Variants in LRCH1 observed in about 807,000 individuals in gnomAD.
LRCH1 encodes leucine-rich repeat and calponin homology domain-containing protein 1.
LRCH1 carries 23 observed loss-of-function variants against 94.9 expected under a neutral mutation model. The observed-to-expected ratio is 0.24, with a 90% confidence interval of 0.17 to 0.34. The LOEUF is 0.34. LRCH1 is among the 10% of genes least tolerant of loss of function. The pLI is 1.00. For missense variants in LRCH1, 790 were observed against 945.9 expected (o/e 0.84, Z 2.16); for synonymous variants, 364 against 354.9 (o/e 1.03, Z -0.29).
chr13:46,664,791 G>A (rs1388792827), intron 2 of LRCH1, among the ~76,000 whole-genome samples: 1 of 152,122 alleles, frequency 6.6e-6, no homozygotes, highest in Non-Finnish European at 1.5e-5. Context: ...GTCGTGTTAG[G>A]TAGGTCTTAT....
intron 1 of LRCH1, among the ~76,000 whole-genome samples, chr13:46,636,451 T>C (rs568641580): frequency 4.6e-5 from 7 of 152,308 alleles, no homozygotes; most frequent in Non-Finnish European, 8.8e-5. Context: ...GCAGAATGTT[T>C]TCATCTTGCA....
intron 1 of LRCH1, among the ~76,000 whole-genome samples, chr13:46,642,353 C>A (rs758592300): frequency 6.6e-6 from 1 of 152,170 alleles, no homozygotes; most frequent in Non-Finnish European, 1.5e-5. Context: ...TGGTGTCATA[C>A]AAACCTGGAT....
In LRCH1 at chr13:46,600,236, A is replaced by G. The variant is rs532036596; in HGVS notation, c.307+46533A>G. Among the ~76,000 whole-genome samples, 13 of 152,268 alleles carry G rather than the reference A, an allele frequency of 8.5e-5. 1 individual carries two copies. The East Asian group carries it at 2.5e-3, about 29-fold the overall frequency. ...ACATTTTTATTCTCACAATGTCTTT[A>G]TGGTTTGGGAATGGTGGCTTCCTGT... On this transcript the variant is annotated intron_variant, in intron 1 of 19. Coordinates refer to ENST00000389797, the MANE Select transcript of LRCH1 (RefSeq NM_001164211.2).
chr13:46,636,059 C>CTTTTTTTTTT (rs34118906), intron 1 of LRCH1, among the ~76,000 whole-genome samples: 1 of 73,534 alleles, frequency 1.4e-5, no homozygotes, highest in Non-Finnish European at 2.4e-5. Flanking sequence ...CCATGTCAAC[C>CTTTTTTTTTT]TTTTTTTTTT....
At chr13:46,594,637 G>A (rs973601384) in intron 1 of LRCH1, among the ~76,000 whole-genome samples, 2 of 152,150 alleles carry the variant, frequency 1.3e-5, no homozygotes, top group African/African-American at 2.4e-5. Context: ...AGATTGTACA[G>A]TAGAATTTAA....
At chr13:46,745,413 G>A (rs1873870768), downstream of LRCH1, among the ~76,000 whole-genome samples, 4 of 152,016 alleles carry the variant, frequency 2.6e-5, no homozygotes, top group Admixed American at 2.6e-4. Flanking sequence ...TGGGGAATAG[G>A]GGACCGTGAA....
At chr13:46,666,915 G>A (rs781357825) in intron 2 of LRCH1, among the ~76,000 whole-genome samples, 2 of 152,126 alleles carry the variant, frequency 1.3e-5, no homozygotes, top group Admixed American at 6.5e-5. Context: ...CAGAAACACA[G>A]GCTGCTGGCC....
Position 46,743,870 on chromosome 13 carries a change from A to G in LRCH1, c.*2022A>G, listed in dbSNP as rs1375220187. On this transcript the variant is annotated 3_prime_UTR_variant, in exon 20 of 20. Transcript: ENST00000389797. ...TTAAAACATGTTAAAGACAAATTAA[A>G]AGACATTTATATTTTAATTCTGGCA... 2.0e-6 allele frequency: 2 copies of G among 984,564 alleles called. No homozygotes were observed. The highest frequency in any genetic ancestry group is 1.2e-6 in the Non-Finnish European group (1 of 829,214). 61.0% of individuals were successfully genotyped at this position (984,564 alleles called of 1,614,324 possible). A position where few individuals can be genotyped will look rare whatever the true frequency, so the allele number is the denominator to read the frequency against.
chr13:46,749,998 G>C (rs551704934), intron 18 of LRCH1, among the ~76,000 whole-genome samples: 2 of 152,300 alleles, frequency 1.3e-5, no homozygotes, highest in South Asian at 4.1e-4. Flanking sequence ...GAGGGCTGTA[G>C]TTATAATTAC....
chr13:46,664,208 A>G (rs940746101), intron 2 of LRCH1, among the ~76,000 whole-genome samples: 10 of 152,204 alleles, frequency 6.6e-5, no homozygotes, highest in African/African-American at 2.4e-4. Flanking sequence ...GGTGGCTAAA[A>G]TTTTAGCAAT....
chr13:46,618,443 A>G (rs887375157), intron 1 of LRCH1, among the ~76,000 whole-genome samples: 54 of 152,218 alleles, frequency 3.5e-4, no homozygotes, highest in African/African-American at 1.3e-3. Context: ...ATATAAAAGT[A>G]TAGCTACTTT....
downstream of LRCH1, among the ~76,000 whole-genome samples, chr13:46,745,795 T>G (rs750359668): frequency 6.6e-6 from 1 of 152,220 alleles, no homozygotes; most frequent in Non-Finnish European, 1.5e-5. Context: ...GATGCCATTT[T>G]AGGCTAGTGG....
Position 46,737,742 on chromosome 13 carries a change from A to G in LRCH1, c.2085+3744A>G, listed in dbSNP as rs550162951. Among the ~76,000 whole-genome samples, 5 of 152,252 alleles carry G rather than the reference A, an allele frequency of 3.3e-5. No individual in the cohort carries two copies. In the South Asian group the frequency reaches 1.0e-3, roughly 32 times the overall value. ...ATTGGGGCTTCCTTTGACTTTTCTG[A>G]GTGCTCTTGGAGATTCCTGACCTCT... is the stretch of plus-strand genomic sequence containing the variant. On this transcript the variant is annotated intron_variant, in intron 19 of 19. Coordinates refer to ENST00000389797, the MANE Select transcript of LRCH1 (RefSeq NM_001164211.2).
chr13:46,667,257 C>T (rs1333979747), intron 2 of LRCH1, among the ~76,000 whole-genome samples: 2 of 152,026 alleles, frequency 1.3e-5, no homozygotes, highest in African/African-American at 4.8e-5. Flanking sequence ...TTGACAAGGC[C>T]GTGCCCAGAT....
chr13:46,746,384 C>G (rs1036683983), downstream of LRCH1, among the ~76,000 whole-genome samples: 4 of 152,150 alleles, frequency 2.6e-5, no homozygotes, highest in Non-Finnish European at 4.4e-5. Flanking sequence ...TGCTGTGGCT[C>G]AGAAGGGTGG....
At chr13:46,702,341 A>C (rs1373055634) in intron 11 of LRCH1, among the ~76,000 whole-genome samples, 1 of 152,072 alleles carries the variant, frequency 6.6e-6, no homozygotes, top group East Asian at 1.9e-4. Context: ...GTCTGTACTA[A>C]TAATACAAAA....
At chr13:46,608,093 T>G (rs1267854617) in intron 1 of LRCH1, among the ~76,000 whole-genome samples, 1 of 152,128 alleles carries the variant, frequency 6.6e-6, no homozygotes, top group African/African-American at 2.4e-5. Context: ...ACCCAGGAAG[T>G]CAGTGATTTG....
At chr13:46,629,076 G>A (rs1420636855) in intron 1 of LRCH1, among the ~76,000 whole-genome samples, 1 of 152,196 alleles carries the variant, frequency 6.6e-6, no homozygotes, top group Non-Finnish European at 1.5e-5. Context: ...AGGTATCTCA[G>A]AGGGCCTTTC....
At chr13:46,745,046 T>C (rs1873855167), downstream of LRCH1, 1 of 365,246 alleles carries the variant, frequency 2.7e-6, no homozygotes, top group Non-Finnish European at 3.8e-6. Flanking sequence ...AAAAAGTCAC[T>C]GGGACACATG....
Sources: gnomAD v4.1 joint callset for allele counts (sites outside exome capture counted in the v4.1 genomes callset) on GRCh38, gnomAD v4.1.1 for gene constraint, MANE v1.5 for transcripts, NCBI Gene and HGNC (gene_info 2026-07-23, HGNC 2026-07-21) for gene names.